The following RNF216 variants were observed in gnomAD, a reference collection of about 807,000 sequenced individuals.
The protein encoded by RNF216 is ring finger protein 216.
Under a neutral mutation model 110.8 loss-of-function variants are expected in RNF216, and 72 were observed. The ratio of observed to expected loss-of-function variants is 0.65; its 90% CI spans 0.54 to 0.79. The LOEUF is 0.79. Ranked by LOEUF, RNF216 falls within the 30% of genes least tolerant of loss-of-function variation. The pLI, the probability that RNF216 is intolerant of heterozygous loss-of-function variation, is 0.00. For synonymous variants in RNF216, 495 were observed against 407.5 expected (o/e 1.21, Z -2.59); for missense variants, 1,342 against 1,141.2 (o/e 1.18, Z -2.54).
intron 15 of RNF216, among the ~76,000 whole-genome samples, chr7:5,627,983 T>G (rs902297985): frequency 6.6e-6 from 1 of 152,164 alleles, no homozygotes; most frequent in Non-Finnish European, 1.5e-5. Context: ...CTGAGGCACC[T>G]GCATAGGAGC....
At chr7:5,777,663 G>A (rs1038219065) in intron 1 of RNF216, 6 of 152,224 alleles carry the variant, frequency 3.9e-5, no homozygotes, top group Non-Finnish European at 7.3e-5. Context: ...GATGAGTTCA[G>A]AGAAAGAAAA....
intron 14 of RNF216, among the ~76,000 whole-genome samples, chr7:5,647,661 C>G (rs1264988673): frequency 6.6e-6 from 1 of 152,110 alleles, no homozygotes; most frequent in Non-Finnish European, 1.5e-5. Flanking sequence ...ACTCCTGGTT[C>G]TTTGGGTTAG....
intron 13 of RNF216, among the ~76,000 whole-genome samples, chr7:5,654,966 A>G (rs534298716): frequency 1.3e-5 from 2 of 152,266 alleles, no homozygotes; most frequent in East Asian, 3.9e-4. Flanking sequence ...ACAGCTGGAG[A>G]ATAGATGAGC....
intron 13 of RNF216, among the ~76,000 whole-genome samples, chr7:5,689,718 C>T (rs1791209507): frequency 1.3e-5 from 2 of 151,664 alleles, no homozygotes; most frequent in Admixed American, 1.3e-4. Flanking sequence ...TTTGGGGAGG[C>T]CGAGGCAGGT....
rs537839918 is a variant in RNF216 at position 5,637,089 on chromosome 7, GA to G, written c.2382+4064del. On this transcript the variant is annotated intron_variant, in intron 15 of 16. Coordinates refer to ENST00000389902, the MANE Select transcript of RNF216 (RefSeq NM_207111.4). ...TGTGGAGCTCTTCATAGCTCCAGCTGAAAAAAAAAATCTATTTTTTCAAGAT... is the reference window on the plus strand; with the variant it reads ...TGTGGAGCTCTTCATAGCTCCAGCTGAAAAAAAAATCTATTTTTTCAAGAT... Among the ~76,000 whole-genome samples the G allele has an allele frequency of 1.9e-4, 29 of 150,490 alleles. 1 individual carries two copies. Among genetic ancestry groups the G allele is most frequent in the Non-Finnish European group, 3.3e-4 (22 of 67,550 alleles).
chr7:5,728,443 G>C (rs1488588622), intron 7 of RNF216, among the ~76,000 whole-genome samples: 2 of 151,940 alleles, frequency 1.3e-5, no homozygotes, highest in East Asian at 3.9e-4. Flanking sequence ...GCGCGGTGGT[G>C]AGCACCTACA....
At chr7:5,763,123 A>C (rs1414494994) in intron 1 of RNF216, among the ~76,000 whole-genome samples, 1 of 152,196 alleles carries the variant, frequency 6.6e-6, no homozygotes, top group Non-Finnish European at 1.5e-5. Flanking sequence ...GACAAAAAAA[A>C]CAACAACCCA....
intron 14 of RNF216, among the ~76,000 whole-genome samples, chr7:5,642,830 A>T (rs1787823509): frequency 6.6e-6 from 1 of 152,170 alleles, no homozygotes; most frequent in African/African-American, 2.4e-5. Flanking sequence ...TATGTGCCCA[A>T]ACACAACTGC....
chr7:5,667,964 A>G (rs1441406361), intron 13 of RNF216, among the ~76,000 whole-genome samples: 1 of 152,206 alleles, frequency 6.6e-6, no homozygotes, highest in Non-Finnish European at 1.5e-5. Flanking sequence ...TCCAGGGTAC[A>G]GCGCAGCTTC....
intron 13 of RNF216, among the ~76,000 whole-genome samples, chr7:5,698,995 C>T (rs1791804129): frequency 6.6e-6 from 1 of 152,150 alleles, no homozygotes; most frequent in Non-Finnish European, 1.5e-5. Context: ...AATGAGAGCA[C>T]AGATAAAGCT....
intron 1 of RNF216, among the ~76,000 whole-genome samples, chr7:5,780,698 C>G (rs1164187636): frequency 6.6e-6 from 1 of 151,846 alleles, no homozygotes; most frequent in Non-Finnish European, 1.5e-5. Context: ...GAGCAAGACT[C>G]CGTCTCAAAG....
chr7:5,641,358 A>G lies in RNF216; in HGVS notation c.2178T>C (p.Ala726=). The G allele has an allele frequency of 1.2e-6, 2 of 1,613,598 alleles. No homozygotes were observed. The highest frequency in any genetic ancestry group is 1.7e-6 in the Non-Finnish European group (2 of 1,179,680). Residue 726 remains alanine (A), a synonymous_variant, in exon 15 of 17, where the codon GCT becomes GCC. Transcript: ENST00000389902. ...ACTTGTGGCATTTTCTAATGCGGGC[A>G]GCAGTCATTTTTTCTTCACTGAAAT... ...YRTSIEEKMT[A]ARIRKCHKCG...
intron 13 of RNF216, among the ~76,000 whole-genome samples, chr7:5,705,032 G>A (rs1256930181): frequency 6.6e-6 from 1 of 152,120 alleles, no homozygotes. Context: ...AACTTAGCAT[G>A]GCCCAGCATT....
rs1790412467 is a variant in RNF216, at chr7:5,677,977, C to A, written c.2062-25467G>T. 2.0e-5 allele frequency among the ~76,000 whole-genome samples: 3 copies of A among 152,176 alleles called. No homozygotes were observed. In the South Asian group the frequency reaches 6.2e-4, roughly 32 times the overall value. On this transcript the variant is annotated intron_variant, in intron 13 of 16. Transcript: ENST00000389902. Reference sequence around the variant, plus strand: ...ACTGGAGCAGTAAGACCACAGTGATCTTTCCAGGGGGTAACCAGATTTTGC... The same window carrying A: ...ACTGGAGCAGTAAGACCACAGTGATATTTCCAGGGGGTAACCAGATTTTGC...
intron 14 of RNF216, among the ~76,000 whole-genome samples, chr7:5,650,476 A>G (rs1202394327): frequency 6.6e-6 from 1 of 152,196 alleles, no homozygotes; most frequent in Non-Finnish European, 1.5e-5. Flanking sequence ...GCCTTATCAC[A>G]GGGCTGCATT....
Position 5,694,312 on chromosome 7 carries a change from C to T in RNF216, c.2061+17449G>A, listed in dbSNP as rs542800728. Among the ~76,000 whole-genome samples the T allele has an allele frequency of 1.6e-4, 25 of 152,316 alleles. No homozygotes were observed. In the South Asian group the frequency reaches 3.3e-3, roughly 20 times the overall value. On this transcript the variant is annotated intron_variant, in intron 13 of 16. Coordinates refer to ENST00000389902, the MANE Select transcript of RNF216 (RefSeq NM_207111.4). ...GAATCATTCACACTGAGCTTGCTTC[C>T]GCCACTGCTACTCAATGATATTCTC...
chr7:5,736,111 CTCCCTCTCCCTGTCCCTGTCCCTG>C (rs1467099264), intron 5 of RNF216, among the ~76,000 whole-genome samples: 2 of 46,106 alleles, frequency 4.3e-5, no homozygotes, highest in Non-Finnish European at 1.6e-4. Context: ...ATAAATAGCT[CTCCCTCTCCCTGTCCCTGTCCCTG>C]TCCCTCTCCC....
rs1334524605 is a variant in RNF216, at chr7:5,738,282, A to G, written c.1121+994T>C. ...CACTCTGGCTCCCAGGCTGGAGTGC[A>G]GTAGCGTAACACAGCTCACTGCAGC... On this transcript the variant is annotated intron_variant, in intron 5 of 16. Transcript: ENST00000389902. Among the ~76,000 whole-genome samples the G allele has an allele frequency of 2.0e-5, 3 of 152,224 alleles. No individual in the cohort carries two copies. In the South Asian group the frequency reaches 6.2e-4, roughly 32 times the overall value.
At chr7:5,779,790 C>A (rs1355194489) in intron 1 of RNF216, among the ~76,000 whole-genome samples, 1 of 136,962 alleles carries the variant, frequency 7.3e-6, no homozygotes, top group Non-Finnish European at 1.5e-5. Flanking sequence ...GATGGCACCA[C>A]TGCACTTTAG....
Sources: allele counts gnomAD v4.1 joint callset (sites outside exome capture counted in the v4.1 genomes callset), GRCh38; gene constraint gnomAD v4.1.1; transcripts MANE v1.5; gene names NCBI Gene and HGNC (gene_info 2026-07-23, HGNC 2026-07-21).